Variants in OBSL1 observed in about 807,000 individuals in gnomAD.
OBSL1 encodes the protein obscurin-like protein 1.
Under a neutral mutation model 172.0 loss-of-function variants are expected in OBSL1, and 160 were observed. The ratio of observed to expected loss-of-function variants is 0.93; its 90% CI spans 0.82 to 1.06. The LOEUF (loss-of-function observed/expected upper bound fraction) is 1.06, where lower values mean the gene tolerates loss of function less well. OBSL1 is among the 50% of genes least tolerant of loss of function. OBSL1 has a pLI of 0.00. For missense variants in OBSL1, 2,681 were observed against 2,715.4 expected, an observed-to-expected ratio of 0.99 and a Z score of 0.28; for synonymous variants, 1,200 against 1,196.3, an observed-to-expected ratio of 1.00 and a Z score of -0.06.
Position 219,557,766 on chromosome 2 carries a change from G to GGGTGCCACTCTCAGGCTT in OBSL1, c.3790+39_3790+56dup, listed in dbSNP as rs1374649212. Reference sequence around the variant, plus strand: ...AAAAGCAGGAATCCCGCAGAGTTTGGGGTGCCACTCTCAGGCTTGGTGCCA... The same window carrying GGGTGCCACTCTCAGGCTT: ...AAAAGCAGGAATCCCGCAGAGTTTGGGGTGCCACTCTCAGGCTTGGTGCCACTCTCAGGCTTGGTGCCA... On this transcript the variant is annotated intron_variant, in intron 11 of 20. Coordinates refer to ENST00000404537, the MANE Select transcript of OBSL1 (RefSeq NM_015311.3). 5 of 1,558,740 alleles carry GGGTGCCACTCTCAGGCTT rather than the reference G, an allele frequency of 3.2e-6. No individual in the cohort carries two copies. The African/African-American group carries it at 6.9e-5, about 21-fold the overall frequency.
chr2:219,555,927 G>T lies in OBSL1; in HGVS notation c.4609+93C>A, dbSNP rs999433309. On this transcript the variant is annotated intron_variant, in intron 14 of 20. Coordinates refer to ENST00000404537, the MANE Select transcript of OBSL1 (RefSeq NM_015311.3). ...TGGGTGACTTTTCTCAGCGATGAGGGGCACTTTGGTGGGGGCCTGAGGGAC... is the reference window on the plus strand; with the variant it reads ...TGGGTGACTTTTCTCAGCGATGAGGTGCACTTTGGTGGGGGCCTGAGGGAC... 1.4e-5 allele frequency: 22 copies of T among 1,528,740 alleles called. No individual in the cohort carries two copies. In the African/African-American group the frequency reaches 2.9e-4, roughly 20 times the overall value. 94.7% of individuals were successfully genotyped at this position (1,528,740 alleles called of 1,614,324 possible).
At position 219,565,510 on chromosome 2, in the gene OBSL1, GCT is replaced by G. The variant is rs765696354; in HGVS notation, c.2137_2138del (p.Ser713ProfsTer26). On this transcript the variant is annotated frameshift_variant and splice_region_variant, in exon 6 of 21. Transcript: ENST00000404537. LOFTEE classifies it high-confidence loss of function. ...QDSAALTIQE[S>X]PVHILSPQDR... ...CCTGGGGGCTCAGGATGTGCACCGGGCTCTCTGTGTGGGGAGAAGTACAGATA... is the reference window on the plus strand; with the variant it reads ...CCTGGGGGCTCAGGATGTGCACCGGGCTCTGTGTGGGGAGAAGTACAGATA... 1 of 1,605,872 alleles carries G rather than the reference GCT, an allele frequency of 6.2e-7. No homozygotes were observed. The highest frequency in any genetic ancestry group is 1.3e-5 in the African/African-American group (1 of 75,034).
downstream of OBSL1, chr2:219,547,403 G>A (rs1033956254): frequency 1.4e-5 from 13 of 937,262 alleles, no homozygotes; most frequent in African/African-American, 3.4e-5. Context: ...TAGTGTCTTT[G>A]TCTCTGGTTC....
At chr2:219,567,995 A>C (rs778596339) in intron 2 of OBSL1, 26 bp from the exon 3 acceptor site, 2 of 1,609,910 alleles carry the variant, frequency 1.2e-6, no homozygotes, top group Non-Finnish European at 1.7e-6. Context: ...GAATCCATCA[A>C]CCTGGAATCT....
In OBSL1 at chr2:219,556,205, A is replaced by G. The variant is rs753030447; in HGVS notation, c.4424T>C (p.Val1475Ala). The G allele has an allele frequency of 1.9e-6, 3 of 1,610,812 alleles. No homozygotes were observed. The highest frequency in any genetic ancestry group is 2.5e-6 in the Non-Finnish European group (3 of 1,178,370). Reference sequence around the variant, plus strand: ...CCAGCGCACGGCCCCCGCTGCACCCACTCGGCCTGTCTCCACTTCGAGACA... The same window carrying G: ...CCAGCGCACGGCCCCCGCTGCACCCGCTCGGCCTGTCTCCACTTCGAGACA... ...DVCLEVETGRVGAAGAVRWVR... is the reference protein window; with the variant it reads ...DVCLEVETGRAGAAGAVRWVR... Residue 1475 changes from valine (V) to alanine (A), a missense_variant, in exon 14 of 21, where the codon GTG becomes GCG. Coordinates refer to ENST00000404537, the MANE Select transcript of OBSL1 (RefSeq NM_015311.3).
rs764979403 is a variant in OBSL1, at chr2:219,558,003, C to T, written c.3610G>A (p.Val1204Met). 2.1e-5 allele frequency: 34 copies of T among 1,612,262 alleles called. No individual in the cohort carries two copies. The highest frequency in any genetic ancestry group is 1.6e-4 in the Middle Eastern group (1 of 6,082). ...SCELSRAGAP[V>M]VWSHNGRPVQ... The stretch of plus-strand genomic sequence containing the variant: ...GGCCTCCCATTGTGGCTCCAGACCA[C>T]GGGGGCGCCAGCCCGGGACAGTTCA... The change falls in exon 11 of 21, where the codon GTG (valine) becomes ATG (methionine). Residue 1204 changes from valine (V) to methionine (M), a missense_variant. Val to Met is a conservative substitution (Grantham distance 21). This residue lies in a region of OBSL1 where 1,765 missense variants were observed against 1,748.3 expected (regional missense o/e 1.01). Coordinates refer to ENST00000404537, the MANE Select transcript of OBSL1 (RefSeq NM_015311.3).
Position 219,559,528 on chromosome 2 carries a change from C to A in OBSL1, c.2954-31G>T. On this transcript the variant is annotated intron_variant, in intron 8 of 20. Transcript: ENST00000404537. Reference sequence around the variant, plus strand: ...GGGTGGGGACAACCACAGCCTGTCACAAGCTCACCGTCAGCCTCTCTGGAG... The same window carrying A: ...GGGTGGGGACAACCACAGCCTGTCAAAAGCTCACCGTCAGCCTCTCTGGAG... The A allele has an allele frequency of 1.9e-6, 3 of 1,593,514 alleles. No homozygotes were observed. In the South Asian group the frequency reaches 3.3e-5, roughly 18 times the overall value.
In OBSL1 at chr2:219,552,657, GCTCACCGA is replaced by G; in HGVS notation, c.5179_5186del (p.Ser1727ArgfsTer49). The G allele has an allele frequency of 5.8e-6, 9 of 1,543,160 alleles. No individual in the cohort carries two copies. Among genetic ancestry groups the G allele is most frequent in the Non-Finnish European group, 7.8e-6 (9 of 1,148,518 alleles). ...ACGTAGCGCCGTCGCCTTCGCGGGC[GCTCACCGA>G]CCGCAGCTCGGAGAGTACCGCCACA... On this transcript the variant is annotated frameshift_variant, in exon 18 of 21. Coordinates refer to ENST00000404537, the MANE Select transcript of OBSL1 (RefSeq NM_015311.3). LOFTEE classifies it high-confidence loss of function.
rs755820800 is a variant in OBSL1 at position 219,567,357 on chromosome 2, C to T, written c.1753G>A (p.Glu585Lys). The T allele has an allele frequency of 3.1e-5, 50 of 1,612,342 alleles. No individual in the cohort carries two copies. The highest frequency in any genetic ancestry group is 8.4e-5 in the Admixed American group (5 of 59,878). Residue 585 changes from glutamate to lysine, a missense_variant, in exon 4 of 21, where the codon GAG becomes AAG. Glu to Lys is a moderately conservative substitution (Grantham distance 56). This residue lies in a region of OBSL1 where 706 missense variants were observed against 695.8 expected (regional missense o/e 1.01). Transcript: ENST00000404537. ...CAGATGCGGAAGCGGTAGTCACCCT[C>T]GGAGGGCACACAGTCGCCCGGCACC... ...VEVPGDCVPSEGDYRFRICTV... is the reference protein window; with the variant it reads ...VEVPGDCVPSKGDYRFRICTV...
In OBSL1 at chr2:219,563,434, G is replaced by C. The variant is rs201312475; in HGVS notation, c.2601C>G (p.Pro867=). 1.2e-5 allele frequency: 19 copies of C among 1,613,418 alleles called. 1 individual carries two copies. In the South Asian group the frequency reaches 2.1e-4, roughly 18 times the overall value. The change falls in exon 7 of 21, where the codon CCC becomes CCG. Residue 867 remains proline, a synonymous_variant. Transcript: ENST00000404537. The part of the protein sequence containing the change: ...NEGPHRRLVL[P]ATQPSDGGEF... ...CGCCCCCGTCTGAGGGCTGGGTGGC[G>C]GGCAGCACCAGGCGGCGATGGGGCC... is the stretch of plus-strand genomic sequence containing the variant.
At chr2:219,555,544 T>G in intron 14 of OBSL1, 2 of 785,886 alleles carry the variant, frequency 2.5e-6, no homozygotes, top group Non-Finnish European at 3.1e-6. Context: ...CCTCCCAAAG[T>G]GTTAGGATTA....
At position 219,557,494 on chromosome 2, in the gene OBSL1, G is replaced by A. The variant is rs926056344; in HGVS notation, c.3915C>T (p.Asp1305=). ...GCCCCTGGCTTGCCAGTCGCTCCCCGTCCTTGTACCAGCGTACAGGGCCCC... is the reference window on the plus strand; with the variant it reads ...GCCCCTGGCTTGCCAGTCGCTCCCCATCCTTGTACCAGCGTACAGGGCCCC... ...GPGGPVRWYK[D]GERLASQGRV... Residue 1305 remains aspartate, a synonymous_variant, in exon 12 of 21, where the codon GAC becomes GAT. Coordinates refer to ENST00000404537, the MANE Select transcript of OBSL1 (RefSeq NM_015311.3). 87 of 1,553,028 alleles carry A rather than the reference G, an allele frequency of 5.6e-5. No homozygotes were observed. Among genetic ancestry groups the A allele is most frequent in the East Asian group, 5.4e-4 (22 of 41,116 alleles).
chr2:219,566,891 G>T lies in OBSL1; in HGVS notation c.2073C>A (p.Ser691Arg). 6.2e-7 allele frequency: 1 copy of T among 1,606,916 alleles called. No individual in the cohort carries two copies. The highest frequency in any genetic ancestry group is 8.5e-7 in the Non-Finnish European group (1 of 1,173,982). The change falls in exon 5 of 21, where the codon AGC (serine) becomes AGA (arginine). Residue 691 changes from serine to arginine, a missense_variant. Physicochemically the swap from Ser to Arg is moderately radical, Grantham distance 110 (BLOSUM62 -1). Coordinates refer to ENST00000404537, the MANE Select transcript of OBSL1 (RefSeq NM_015311.3). ...GGCAGCTGAAGCCGACCAGGGCACC[G>T]CTGTCCTGGTGCTTGACGGCATGCA... is the stretch of plus-strand genomic sequence containing the variant. ...LILHAVKHQD[S>R]GALVGFSCPG...
Position 219,567,878 on chromosome 2 carries a change from C to T in OBSL1, c.1374G>A (p.Glu458=). 6.2e-7 allele frequency: 1 copy of T among 1,613,948 alleles called. No homozygotes were observed. Among genetic ancestry groups the T allele is most frequent in the Non-Finnish European group, 8.5e-7 (1 of 1,179,904 alleles). The part of the protein sequence containing the change: ...LLVETLEAGV[E]GRWSRDGEEL... ...CCTCCCCATCACGGCTCCAGCGTCC[C>T]TCGACCCCGGCCTCTAGAGTTTCCA... Residue 458 remains glutamate (E), a synonymous_variant, in exon 3 of 21, where the codon GAG becomes GAA. Transcript: ENST00000404537.
chr2:219,552,267 T>G, intron 18 of OBSL1, 51 bp from the exon 19 acceptor site: 1 of 1,512,682 alleles, frequency 6.6e-7, no homozygotes, highest in Admixed American at 2.0e-5. Context: ...TGAGGAGCGT[T>G]GGGGACGAAG....
intron 19 of OBSL1, 113 bp from the exon 20 acceptor site, chr2:219,551,911 C>T (rs1292091946): frequency 1.5e-5 from 13 of 844,020 alleles, no homozygotes; most frequent in Non-Finnish European, 2.5e-5. Context: ...CTCTATGCCA[C>T]CAGTCCGTTC....
Position 219,571,265 on chromosome 2 carries a change from T to A in OBSL1, c.-33A>T. 1.3e-6 allele frequency: 1 copy of A among 756,434 alleles called. No individual in the cohort carries two copies. The highest frequency in any genetic ancestry group is 2.0e-5 in the African/African-American group (1 of 50,188). The allele number at this position is 756,434 out of a possible 1,614,324, so 46.9% of individuals were successfully genotyped here. A position where few individuals can be genotyped will look rare whatever the true frequency, so the allele number is the denominator to read the frequency against. ...GCCGACCGCCTGCAGCGGCGAACGG[T>A]GGGGGGGCAGGGGGGGGTGCGGAGG... is the stretch of plus-strand genomic sequence containing the variant. On this transcript the variant is annotated 5_prime_UTR_variant, in exon 1 of 21. Coordinates refer to ENST00000404537, the MANE Select transcript of OBSL1 (RefSeq NM_015311.3).
downstream of OBSL1, chr2:219,548,989 TGA>T (rs1695460684): frequency 1.4e-5 from 10 of 711,408 alleles, 1 homozygote; most frequent in South Asian, 1.1e-4. Context: ...AAGTCTCCTC[TGA>T]GAGGTAGGAG....
chr2:219,567,361 G>A lies in OBSL1; in HGVS notation c.1749C>T (p.Pro583=), dbSNP rs958109030. The change falls in exon 4 of 21, where the codon CCC becomes CCT. Residue 583 remains proline, a synonymous_variant. Transcript: ENST00000404537. Reference sequence around the variant, plus strand: ...TGCGGAAGCGGTAGTCACCCTCGGAGGGCACACAGTCGCCCGGCACCTCCA... The same window carrying A: ...TGCGGAAGCGGTAGTCACCCTCGGAAGGCACACAGTCGCCCGGCACCTCCA... ...GAVEVPGDCV[P]SEGDYRFRIC... 2.5e-6 allele frequency: 4 copies of A among 1,612,638 alleles called. No individual in the cohort carries two copies. The highest frequency in any genetic ancestry group is 3.4e-6 in the Non-Finnish European group (4 of 1,179,316).
Sources: allele counts gnomAD v4.1 joint callset, GRCh38; gene constraint gnomAD v4.1.1; regional missense constraint gnomAD v4.1.1; transcripts MANE v1.5; gene names NCBI Gene and HGNC (gene_info 2026-07-23, HGNC 2026-07-21).